Variants in CDIN1 observed in about 807,000 individuals in gnomAD.
CDIN1 encodes CDAN1-interacting nuclease 1.
In CDIN1, 33 loss-of-function variants were observed where a neutral mutation model predicts 45.3. The ratio of observed to expected loss-of-function variants is 0.73; its 90% CI spans 0.55 to 0.97. The LOEUF is 0.97. Among genes scored for constraint, CDIN1 ranks in the 50% least tolerant of loss-of-function variants. The pLI is 0.00. For missense variants in CDIN1, 303 were observed against 339.4 expected (o/e 0.89, Z 0.84); for synonymous variants, 118 against 124.4 (o/e 0.95, Z 0.34).
At chr15:36,647,001 T>C (rs7178706) in intron 3 of CDIN1, among the ~76,000 whole-genome samples, 142,737 of 149,680 alleles carry the variant, frequency 0.95, 68,066 homozygotes, top group East Asian at 1. Flanking sequence ...CTGGGTAGTA[T>C]AGGCCATAAA....
At chr15:36,646,948 T>C (rs1027549163) in intron 3 of CDIN1, among the ~76,000 whole-genome samples, 18 of 152,234 alleles carry the variant, frequency 1.2e-4, no homozygotes, top group African/African-American at 3.6e-4. Context: ...CATTAAAAAG[T>C]ATATCTAATT....
At chr15:36,662,968 C>G (rs955526179) in intron 5 of CDIN1, among the ~76,000 whole-genome samples, 1 of 143,520 alleles carries the variant, frequency 7.0e-6, no homozygotes, top group Non-Finnish European at 1.5e-5. Flanking sequence ...ATGCTCAAAA[C>G]GTTTATGGAG....
chr15:36,678,632 T>A (rs1334806077), intron 5 of CDIN1, among the ~76,000 whole-genome samples: 1 of 152,212 alleles, frequency 6.6e-6, no homozygotes, highest in African/African-American at 2.4e-5. Context: ...CTGTCCTTCC[T>A]TCACACATCC....
chr15:36,655,216 A>G (rs1407063679), intron 4 of CDIN1, among the ~76,000 whole-genome samples: 1 of 152,178 alleles, frequency 6.6e-6, no homozygotes, highest in Non-Finnish European at 1.5e-5. Context: ...ACACAATCAG[A>G]TAGGATAGTT....
At chr15:36,610,113 G>GA (rs1180031044) in intron 1 of CDIN1, among the ~76,000 whole-genome samples, 1 of 152,190 alleles carries the variant, frequency 6.6e-6, no homozygotes, top group Non-Finnish European at 1.5e-5. Flanking sequence ...CAAAATACGA[G>GA]AAAGGGTTCA....
intron 10 of CDIN1, among the ~76,000 whole-genome samples, chr15:36,718,560 A>C (rs1056211083): frequency 4.6e-5 from 7 of 152,160 alleles, no homozygotes; most frequent in African/African-American, 1.7e-4. Context: ...CAGTGCACAA[A>C]TTTCACATTT....
At chr15:36,735,293 G>A (rs904222977) in intron 10 of CDIN1, among the ~76,000 whole-genome samples, 3 of 152,010 alleles carry the variant, frequency 2.0e-5, no homozygotes, top group African/African-American at 7.2e-5. Context: ...CTTAATTAAA[G>A]CATTAATCAC....
At chr15:36,661,159 A>G (rs1363982914) in intron 5 of CDIN1, among the ~76,000 whole-genome samples, 1 of 152,202 alleles carries the variant, frequency 6.6e-6, no homozygotes, top group East Asian at 1.9e-4. Context: ...CTCCTTGTCA[A>G]CAACTCTTTT....
intron 1 of CDIN1, chr15:36,618,191 C>A (rs922449796): frequency 1.0e-5 from 7 of 683,444 alleles, no homozygotes; most frequent in East Asian, 7.5e-5. Context: ...TATGGGTCGA[C>A]CATTCCAAAA....
intron 10 of CDIN1, among the ~76,000 whole-genome samples, chr15:36,733,814 TAAA>T (rs2043917894): frequency 6.6e-6 from 1 of 152,144 alleles, no homozygotes; most frequent in Admixed American, 6.6e-5. Context: ...CAGCAAAGGA[TAAA>T]GAAGGCATTC....
chr15:36,702,830 G>A (rs2140787570), intron 8 of CDIN1, among the ~76,000 whole-genome samples: 1 of 152,130 alleles, frequency 6.6e-6, no homozygotes, highest in East Asian at 1.9e-4. Context: ...GATGATTGCT[G>A]GTGATTGCCA....
At chr15:36,664,647 C>T (rs1429007747) in intron 5 of CDIN1, among the ~76,000 whole-genome samples, 11 of 151,738 alleles carry the variant, frequency 7.2e-5, no homozygotes, top group East Asian at 3.9e-4. Context: ...CCCGGGTTCA[C>T]GCCATTCTCC....
intron 1 of CDIN1, 60 bp from the exon 2 acceptor site, chr15:36,644,218 C>G: frequency 6.5e-7 from 1 of 1,530,488 alleles, no homozygotes; most frequent in Non-Finnish European, 9.0e-7. Context: ...GCTCCTTTCT[C>G]TTTTGTTTCT....
intron 8 of CDIN1, chr15:36,706,951 G>T (rs1054169262): frequency 1.3e-5 from 2 of 152,054 alleles, no homozygotes; most frequent in Admixed American, 1.3e-4. Context: ...GTGTCCTGGG[G>T]CCTAGAACAG....
chr15:36,660,757 A>G (rs1198094876), intron 5 of CDIN1, among the ~76,000 whole-genome samples: 1 of 152,188 alleles, frequency 6.6e-6, no homozygotes, highest in Non-Finnish European at 1.5e-5. Flanking sequence ...TAGCCTCACA[A>G]CAAAACTAGT....
At chr15:36,756,206 A>G (rs892978803) in intron 10 of CDIN1, 1 of 449,888 alleles carries the variant, frequency 2.2e-6, no homozygotes, top group African/African-American at 2.0e-5. Flanking sequence ...ATGTGAAATT[A>G]CCAGCCCACA....
At chr15:36,710,624 C>T (rs935038956) in intron 10 of CDIN1, among the ~76,000 whole-genome samples, 3 of 152,128 alleles carry the variant, frequency 2.0e-5, no homozygotes, top group African/African-American at 7.2e-5. Flanking sequence ...GTGTGATTTC[C>T]AGCACAACCC....
At chr15:36,801,321 A>G (rs2055038169) in intron 10 of CDIN1, among the ~76,000 whole-genome samples, 1 of 151,962 alleles carries the variant, frequency 6.6e-6, no homozygotes, top group African/African-American at 2.4e-5. Flanking sequence ...TCTTATTACC[A>G]AAAGAGATGT....
chr15:36,675,573 C>T (rs1256325679), intron 5 of CDIN1, among the ~76,000 whole-genome samples: 1 of 152,134 alleles, frequency 6.6e-6, no homozygotes, highest in Non-Finnish European at 1.5e-5. Flanking sequence ...ATTGTGCTGC[C>T]ATTGTGCTCA....
Sources: gnomAD v4.1 joint callset for allele counts (sites outside exome capture counted in the v4.1 genomes callset) on GRCh38, gnomAD v4.1.1 for gene constraint, MANE v1.5 for transcripts, NCBI Gene and HGNC (gene_info 2026-07-23, HGNC 2026-07-21) for gene names.